Variants in SAP30BP observed in about 807,000 individuals in gnomAD.
SAP30BP encodes the protein SAP30-binding protein.
A neutral mutation model predicts 46.3 loss-of-function variants in SAP30BP; 31 were observed. The observed-to-expected ratio is 0.67, with a 90% confidence interval of 0.50 to 0.90. The LOEUF (loss-of-function observed/expected upper bound fraction) is 0.90. Ranked by LOEUF, SAP30BP falls within the 40% of genes least tolerant of loss-of-function variation. The probability of loss-of-function intolerance (pLI) is 0.00; values close to 1 mark genes in which losing one functional copy is unlikely to be tolerated. For synonymous variants in SAP30BP, 169 were observed against 144.2 expected, an observed-to-expected ratio of 1.17 and a Z score of -1.23; for missense variants, 312 against 391.0, an observed-to-expected ratio of 0.80 and a Z score of 1.70.
chr17:75,706,273 C>T lies in SAP30BP; in HGVS notation c.746-67C>T, dbSNP rs879011018. Reference sequence around the variant, plus strand: ...TGCTCCCTAGACTCCCGCTGGCCTGCAGGGGGAAGGGAAAGAGGGCACCGC... The same window carrying T: ...TGCTCCCTAGACTCCCGCTGGCCTGTAGGGGGAAGGGAAAGAGGGCACCGC... On this transcript the variant is annotated intron_variant, in intron 10 of 10. Coordinates refer to ENST00000584667, the MANE Select transcript of SAP30BP (RefSeq NM_013260.8). The surrounding 1 kb of genome is among the most constrained non-coding windows in gnomAD (Gnocchi z 4.6). 4.5e-6 allele frequency: 7 copies of T among 1,562,274 alleles called. No individual in the cohort carries two copies. The highest frequency in any genetic ancestry group is 6.1e-6 in the Non-Finnish European group (7 of 1,146,484).
rs190930512 is a variant in SAP30BP at position 75,682,685 on chromosome 17, T to C, written c.265-10755T>C. Among the ~76,000 whole-genome samples the C allele has an allele frequency of 1.4e-3, 215 of 152,018 alleles. 2 individuals are homozygous for C. The highest frequency in any genetic ancestry group is 6.0e-3 in the South Asian group (29 of 4,804). On this transcript the variant is annotated intron_variant, in intron 3 of 10. Transcript: ENST00000584667. ...TGAAGAATTGTATGGCATATGAGGC[T>C]GGGCGCAGTGGCTCATGCCTGTAAT...
chr17:75,685,314 A>G (rs966885859), intron 3 of SAP30BP, among the ~76,000 whole-genome samples: 1 of 151,976 alleles, frequency 6.6e-6, no homozygotes, highest in East Asian at 1.9e-4. Context: ...TTCGTTCTGT[A>G]TTTTCATCCA....
intron 3 of SAP30BP, among the ~76,000 whole-genome samples, chr17:75,690,248 A>G (rs574883824): frequency 7.9e-5 from 12 of 152,278 alleles, no homozygotes; most frequent in African/African-American, 2.4e-4. Context: ...TATCTGAGAC[A>G]TGACTGGTAA....
intron 3 of SAP30BP, chr17:75,692,657 C>A (rs910027351): frequency 3.8e-6 from 1 of 266,066 alleles, no homozygotes; most frequent in Non-Finnish European, 5.8e-6. Context: ...CAGTGAAATC[C>A]AGAAAACGTC....
chr17:75,701,714 G>A (rs937914314), intron 5 of SAP30BP, among the ~76,000 whole-genome samples: 2 of 152,188 alleles, frequency 1.3e-5, no homozygotes, highest in African/African-American at 2.4e-5. Flanking sequence ...TAGCCCTTCC[G>A]AAGTCTCCTG....
chr17:75,689,796 G>A (rs890996245), intron 3 of SAP30BP, among the ~76,000 whole-genome samples: 15 of 152,156 alleles, frequency 9.9e-5, no homozygotes, highest in Admixed American at 2.6e-4. Flanking sequence ...CCTTCTTTCC[G>A]CTTCCTGCCT....
chr17:75,680,070 T>C (rs949906485), intron 3 of SAP30BP: 1 of 152,212 alleles, frequency 6.6e-6, no homozygotes, highest in African/African-American at 2.4e-5. Flanking sequence ...ACATGGGGGT[T>C]GAGAGCCTGG....
intron 4 of SAP30BP, among the ~76,000 whole-genome samples, chr17:75,694,212 C>G (rs568861765): frequency 6.6e-6 from 1 of 152,076 alleles, no homozygotes; most frequent in African/African-American, 2.4e-5. Context: ...GCCTCGGTGG[C>G]TCACTGACTC....
At chr17:75,692,437 T>G in intron 3 of SAP30BP, 1 of 985,422 alleles carries the variant, frequency 1.0e-6, no homozygotes, top group Non-Finnish European at 1.2e-6. Flanking sequence ...GCCTCTGCTG[T>G]TTTGATGATG....
chr17:75,690,145 T>A (rs1351517973), intron 3 of SAP30BP, among the ~76,000 whole-genome samples: 1 of 152,142 alleles, frequency 6.6e-6, no homozygotes, highest in South Asian at 2.1e-4. Flanking sequence ...AATTATAAAA[T>A]AAATCGTTCA....
intron 5 of SAP30BP, among the ~76,000 whole-genome samples, chr17:75,700,420 G>T (rs973148271): frequency 6.6e-6 from 1 of 152,144 alleles, no homozygotes; most frequent in Non-Finnish European, 1.5e-5. Context: ...GGACAGCTAG[G>T]GTTCAGCCCG....
chr17:75,703,959 C>T (rs1408048471), intron 8 of SAP30BP, 100 bp downstream of exon 8: 6 of 914,286 alleles, frequency 6.6e-6, no homozygotes, highest in Non-Finnish European at 1.1e-5. Flanking sequence ...TCAGGGTCTA[C>T]TCTATGTCAG....
intron 2 of SAP30BP, among the ~76,000 whole-genome samples, chr17:75,669,912 C>T (rs2059884052): frequency 6.6e-6 from 1 of 152,198 alleles, no homozygotes; most frequent in African/African-American, 2.4e-5. Flanking sequence ...TAGCATAAGA[C>T]AGGCAGAGTT....
intron 4 of SAP30BP, among the ~76,000 whole-genome samples, chr17:75,699,546 A>G (rs1463519901): frequency 1.3e-5 from 2 of 150,778 alleles, no homozygotes; most frequent in Non-Finnish European, 2.9e-5. Flanking sequence ...TGCTGTATAC[A>G]TTTATTCCCT....
At chr17:75,695,050 C>T (rs931936064) in intron 4 of SAP30BP, among the ~76,000 whole-genome samples, 5 of 152,174 alleles carry the variant, frequency 3.3e-5, no homozygotes, top group African/African-American at 1.2e-4. Context: ...GTGCCCCGAC[C>T]GTGTTACAGG....
chr17:75,702,444 C>CA, intron 5 of SAP30BP, 36 bp from the exon 6 acceptor site: 1 of 973,850 alleles, frequency 1.0e-6, no homozygotes, highest in Non-Finnish European at 1.6e-6. Flanking sequence ...GGGCTTCTGT[C>CA]ATACACCCCC....
rs1471815621 is a variant in SAP30BP at position 75,667,708 on chromosome 17, C to T, written c.106+230C>T. Among the ~76,000 whole-genome samples, 2 of 152,202 alleles carry T rather than the reference C, an allele frequency of 1.3e-5. 1 individual carries two copies. The highest frequency in any genetic ancestry group is 1.3e-4 in the Admixed American group (2 of 15,276). ...CTAAACTTACTGAAAGACTCCGTGC[C>T]GGCTATAGTGATAGACAGAGGGATG... On this transcript the variant is annotated intron_variant, in intron 1 of 10. Transcript: ENST00000584667.
intron 3 of SAP30BP, among the ~76,000 whole-genome samples, chr17:75,675,385 G>A (rs189791689): frequency 2.9e-4 from 44 of 151,916 alleles, no homozygotes; most frequent in Admixed American, 7.2e-4. Flanking sequence ...TCCTGACCTC[G>A]TTATCTGCCC....
At chr17:75,696,694 TC>T (rs1328535469) in intron 4 of SAP30BP, among the ~76,000 whole-genome samples, 2 of 151,694 alleles carry the variant, frequency 1.3e-5, no homozygotes, top group East Asian at 1.9e-4. Flanking sequence ...CCGAATGTGT[TC>T]CTTTATTTGC....
Sources: gnomAD v4.1 joint callset for allele counts (sites outside exome capture counted in the v4.1 genomes callset) on GRCh38, gnomAD v4.1.1 for gene constraint, Gnocchi (gnomAD v3.1) non-coding constraint, MANE v1.5 for transcripts, NCBI Gene and HGNC (gene_info 2026-07-23, HGNC 2026-07-21) for gene names.